Variants in CSTF3 observed in about 807,000 individuals in gnomAD.
The protein encoded by CSTF3 is cleavage stimulation factor subunit 3, also known as CF-1 77 kDa subunit.
CSTF3 carries 29 observed loss-of-function variants against 105.8 expected under a neutral mutation model. That is an observed-to-expected ratio of 0.27 (90% confidence interval 0.20 to 0.37). CSTF3 has a LOEUF of 0.37. Among genes scored for constraint, CSTF3 ranks in the 10% least tolerant of loss-of-function variants. The pLI is 1.00. For missense variants in CSTF3, 357 were observed against 879.3 expected (o/e 0.41, Z 7.51); for synonymous variants, 252 against 281.9 (o/e 0.89, Z 1.06).
chr11:33,107,513 A>G (rs1855338794), intron 5 of CSTF3, among the ~76,000 whole-genome samples: 1 of 152,236 alleles, frequency 6.6e-6, no homozygotes, highest in Non-Finnish European at 1.5e-5. Flanking sequence ...TACAATTGTC[A>G]GAGATCCCTT....
intron 1 of CSTF3, among the ~76,000 whole-genome samples, chr11:33,145,712 G>A (rs996512153): frequency 1.8e-4 from 28 of 151,992 alleles, no homozygotes; most frequent in African/African-American, 6.8e-4. Flanking sequence ...TACTCAGGAG[G>A]CTGAGGCAAG....
intron 13 of CSTF3, 27 bp downstream of exon 13, chr11:33,098,663 G>GA (rs1417685894): frequency 4.9e-6 from 7 of 1,426,330 alleles, no homozygotes; most frequent in East Asian, 2.3e-5. Flanking sequence ...TGTAAAGGTG[G>GA]AAAAAAAGAT....
chr11:33,154,985 T>A (rs1849841246), intron 1 of CSTF3, among the ~76,000 whole-genome samples: 1 of 151,930 alleles, frequency 6.6e-6, no homozygotes, highest in Non-Finnish European at 1.5e-5. Context: ...ACATGTATCC[T>A]ACAATACAAA....
At chr11:33,133,836 T>C (rs927681891) in intron 3 of CSTF3, among the ~76,000 whole-genome samples, 12 of 152,304 alleles carry the variant, frequency 7.9e-5, no homozygotes, top group African/African-American at 2.4e-4. Context: ...GAGGGGCTGT[T>C]CCACATTGAA....
intron 8 of CSTF3, 84 bp downstream of exon 8, chr11:33,105,483 G>C: frequency 7.8e-7 from 1 of 1,287,420 alleles, no homozygotes; most frequent in African/African-American, 1.5e-5. Flanking sequence ...CACTGATACA[G>C]AAAGGCTATA....
At chr11:33,147,590 A>C (rs1486899731) in intron 1 of CSTF3, among the ~76,000 whole-genome samples, 1 of 152,068 alleles carries the variant, frequency 6.6e-6, no homozygotes, top group Non-Finnish European at 1.5e-5. Flanking sequence ...AAAAAAAAAG[A>C]AATTTTACGT....
chr11:33,157,123 C>G (rs1040181528), intron 1 of CSTF3, among the ~76,000 whole-genome samples: 3 of 152,048 alleles, frequency 2.0e-5, no homozygotes, highest in Non-Finnish European at 4.4e-5. Flanking sequence ...GAGGCTGAGG[C>G]AGGCAGATCA....
At chr11:33,095,815 G>T (rs1480459791) in intron 15 of CSTF3, among the ~76,000 whole-genome samples, 2 of 66,384 alleles carry the variant, frequency 3.0e-5, no homozygotes, top group African/African-American at 9.6e-5. Context: ...GCGAGACTCT[G>T]TCTCAAATAA....
At position 33,096,530 on chromosome 11, in the gene CSTF3, A is replaced by G. The variant is rs183428366; in HGVS notation, c.1273-122T>C. 4.8e-4 allele frequency: 338 copies of G among 704,446 alleles called. 4 individuals are homozygous for G. In the East Asian group the frequency reaches 9.4e-3, roughly 20 times the overall value. 43.6% of individuals were successfully genotyped at this position (704,446 alleles called of 1,614,324 possible). A position where few individuals can be genotyped will look rare whatever the true frequency, so the allele number is the denominator to read the frequency against. ...GTAAGAATTAAAACAAATTAAAATC[A>G]TGTTAAGTAAAAATTGCTGAGCTAG... On this transcript the variant is annotated intron_variant, in intron 14 of 20. Coordinates refer to ENST00000323959, the MANE Select transcript of CSTF3 (RefSeq NM_001326.3).
At chr11:33,092,927 A>G (rs1443687954) in intron 15 of CSTF3, among the ~76,000 whole-genome samples, 1 of 152,208 alleles carries the variant, frequency 6.6e-6, no homozygotes, top group Non-Finnish European at 1.5e-5. Flanking sequence ...GAGGTCCTCT[A>G]TATCTGGAAG....
At chr11:33,130,950 G>A (rs1182403395) in intron 3 of CSTF3, among the ~76,000 whole-genome samples, 1 of 152,060 alleles carries the variant, frequency 6.6e-6, no homozygotes, top group African/African-American at 2.4e-5. Flanking sequence ...GATCACCTGA[G>A]CCTGTGCAGG....
At chr11:33,152,294 GTAT>G (rs1352735973) in intron 1 of CSTF3, among the ~76,000 whole-genome samples, 1 of 151,900 alleles carries the variant, frequency 6.6e-6, no homozygotes, top group Non-Finnish European at 1.5e-5. Flanking sequence ...AAAACTGGAC[GTAT>G]TATTATTACT....
intron 3 of CSTF3, among the ~76,000 whole-genome samples, chr11:33,109,262 T>C (rs1181824140): frequency 2.0e-5 from 3 of 152,224 alleles, no homozygotes; most frequent in Non-Finnish European, 4.4e-5. Context: ...AGCAAATCTG[T>C]TTCACCCAGA....
At chr11:33,107,813 C>T in intron 5 of CSTF3, 90 bp downstream of exon 5, 1 of 691,000 alleles carries the variant, frequency 1.4e-6, no homozygotes. Context: ...TAATTCTTCC[C>T]ACTTGGGGCT....
chr11:33,143,207 T>A (rs1855735428), intron 1 of CSTF3, among the ~76,000 whole-genome samples: 1 of 152,222 alleles, frequency 6.6e-6, no homozygotes, highest in Non-Finnish European at 1.5e-5. Context: ...ATTCAAATGC[T>A]TAGACTGGTC....
At chr11:33,134,232 ATAAC>A (rs1481136337) in intron 3 of CSTF3, among the ~76,000 whole-genome samples, 1 of 152,230 alleles carries the variant, frequency 6.6e-6, no homozygotes, top group Non-Finnish European at 1.5e-5. Context: ...AATTGCTTAA[ATAAC>A]TGTCAGTTTG....
intron 3 of CSTF3, among the ~76,000 whole-genome samples, chr11:33,116,637 GT>G (rs1412941145): frequency 1.1e-4 from 17 of 152,300 alleles, no homozygotes; most frequent in African/African-American, 3.6e-4. Flanking sequence ...AAAAGGCAGA[GT>G]TAAATCTGAC....
At chr11:33,095,801 G>A (rs1855215525) in intron 15 of CSTF3, among the ~76,000 whole-genome samples, 2 of 137,272 alleles carry the variant, frequency 1.5e-5, no homozygotes, top group African/African-American at 2.6e-5. Context: ...CAGCCTGGGC[G>A]ACAGCGAGAC....
intron 8 of CSTF3, among the ~76,000 whole-genome samples, chr11:33,104,968 C>G (rs866491828): frequency 6.6e-6 from 1 of 152,292 alleles, no homozygotes; most frequent in Non-Finnish European, 1.5e-5. Flanking sequence ...AGGCTGGTCT[C>G]AAACTACTGG....
Sources: allele counts gnomAD v4.1 joint callset (sites outside exome capture counted in the v4.1 genomes callset), GRCh38; gene constraint gnomAD v4.1.1; transcripts MANE v1.5; gene names NCBI Gene and HGNC (gene_info 2026-07-23, HGNC 2026-07-21).